ADGRG6: variants seen among roughly 807,000 people sequenced by gnomAD.
ADGRG6 encodes G-protein coupled receptor 126.
In ADGRG6, 84 loss-of-function variants were observed where a neutral mutation model predicts 142.4. That is an observed-to-expected ratio of 0.59 (90% CI 0.49 to 0.71). The LOEUF (loss-of-function observed/expected upper bound fraction) is 0.71. ADGRG6 is among the 30% of genes least tolerant of loss of function. The pLI is 0.00. For synonymous variants in ADGRG6, 521 were observed against 520.5 expected (o/e 1.00, Z -0.01); for missense variants, 1,367 against 1,466.6 (o/e 0.93, Z 1.11).
At chr6:142,404,297 G>T (rs1196813961) in intron 14 of ADGRG6, 1 of 276,202 alleles carries the variant, frequency 3.6e-6, no homozygotes, top group Non-Finnish European at 6.8e-6. Context: ...AAGGTGAAAA[G>T]AAGCATGGTG....
At chr6:142,414,473 C>G (rs1161828758) in intron 18 of ADGRG6, among the ~76,000 whole-genome samples, 1 of 152,194 alleles carries the variant, frequency 6.6e-6, no homozygotes, top group Non-Finnish European at 1.5e-5. Flanking sequence ...CTCCGCACCA[C>G]CCTTAGAGCC....
chr6:142,411,572 A>C (rs918642025), intron 18 of ADGRG6, among the ~76,000 whole-genome samples, 161 bp downstream of exon 18: 1 of 152,206 alleles, frequency 6.6e-6, no homozygotes, highest in African/African-American at 2.4e-5. Context: ...TAATTAGCAA[A>C]GATCACATAT....
intron 2 of ADGRG6, among the ~76,000 whole-genome samples, chr6:142,319,758 T>A (rs1778425904): frequency 2.6e-5 from 4 of 152,142 alleles, no homozygotes; most frequent in Admixed American, 2.6e-4. Context: ...TTATTCTCTG[T>A]CCACTATGTG....
chr6:142,398,535 A>T (rs1775325872), intron 10 of ADGRG6, among the ~76,000 whole-genome samples: 3 of 152,178 alleles, frequency 2.0e-5, no homozygotes, highest in Non-Finnish European at 4.4e-5. Context: ...TGGACCTAAA[A>T]TCAAGTTTCT....
chr6:142,443,034 GT>G (rs1173414775), intron 24 of ADGRG6, among the ~76,000 whole-genome samples: 2 of 151,988 alleles, frequency 1.3e-5, no homozygotes, highest in Non-Finnish European at 2.9e-5. Flanking sequence ...CATAGTGCAT[GT>G]TTTTTTGAAG....
At chr6:142,406,285 C>T (rs1044247028) in intron 15 of ADGRG6, among the ~76,000 whole-genome samples, 2 of 151,192 alleles carry the variant, frequency 1.3e-5, no homozygotes, top group Admixed American at 6.6e-5. Flanking sequence ...TTTCAAGTGA[C>T]CTTTGGTCTT....
At chr6:142,413,786 G>A (rs1184197364) in intron 18 of ADGRG6, among the ~76,000 whole-genome samples, 1 of 152,110 alleles carries the variant, frequency 6.6e-6, no homozygotes, top group Non-Finnish European at 1.5e-5. Flanking sequence ...CTCAGACTCT[G>A]AGCCTCTGCT....
chr6:142,433,989 C>T (rs938905512), intron 22 of ADGRG6, among the ~76,000 whole-genome samples: 5 of 152,036 alleles, frequency 3.3e-5, no homozygotes, highest in Admixed American at 6.5e-5. Context: ...TTCAAGGCTA[C>T]AGTGAGCTAC....
At position 142,423,379 on chromosome 6, in the gene ADGRG6, C is replaced by T. The variant is rs568328329; in HGVS notation, c.3319+3275C>T. Among the ~76,000 whole-genome samples, 463 of 152,138 alleles carry T rather than the reference C, an allele frequency of 3.0e-3. 3 individuals carry two copies. Among genetic ancestry groups the T allele is most frequent in the African/African-American group, 0.01 (428 of 41,488 alleles). On this transcript the variant is annotated intron_variant, in intron 22 of 24. Coordinates refer to ENST00000367609, the MANE Select transcript of ADGRG6 (RefSeq NM_198569.3). ...GAAGGGATCCAGTTTCAGCTTTCTA[C>T]ATATGGCTAGCCAATTTTCCCAGCA...
chr6:142,428,559 A>G (rs1316224044), intron 22 of ADGRG6, among the ~76,000 whole-genome samples: 1 of 152,184 alleles, frequency 6.6e-6, no homozygotes, highest in Non-Finnish European at 1.5e-5. Flanking sequence ...TAATTGACTC[A>G]CAGTTCCATA....
chr6:142,435,402 C>T (rs532113640), intron 22 of ADGRG6, among the ~76,000 whole-genome samples: 1 of 152,260 alleles, frequency 6.6e-6, no homozygotes, highest in East Asian at 1.9e-4. Context: ...TACTGGGACA[C>T]AACCTCAGCA....
At chr6:142,340,323 A>G (rs759864068) in intron 2 of ADGRG6, among the ~76,000 whole-genome samples, 1 of 152,100 alleles carries the variant, frequency 6.6e-6, no homozygotes, top group Non-Finnish European at 1.5e-5. Context: ...CAGTTAGCTA[A>G]TATGTACAAG....
Position 142,370,774 on chromosome 6 carries a change from T to C in ADGRG6, c.1050T>C (p.Ala350=). The C allele has an allele frequency of 6.2e-7, 1 of 1,613,444 alleles. No individual in the cohort carries two copies. The highest frequency in any genetic ancestry group is 1.1e-5 in the South Asian group (1 of 91,056). Residue 350 remains alanine, a synonymous_variant, in exon 4 of 25, where the codon GCT becomes GCC. Coordinates refer to ENST00000367609, the MANE Select transcript of ADGRG6 (RefSeq NM_198569.3). ...ATATCCCAAACCTAGCTCTGAAAGC[T>C]GAAAGCAACCTAAGCTGTGGTGAGT... The part of the protein sequence containing the change: ...FWNIPNLALK[A]ESNLSCGSYL...
intron 2 of ADGRG6, among the ~76,000 whole-genome samples, chr6:142,346,246 A>G (rs1225691814): frequency 6.6e-6 from 1 of 152,130 alleles, no homozygotes; most frequent in Non-Finnish European, 1.5e-5. Context: ...TAATGGTCGA[A>G]CTAATTTACA....
Position 142,377,709 on chromosome 6 carries a change from A to T in ADGRG6, c.1070-4242A>T, listed in dbSNP as rs1037569815. Among the ~76,000 whole-genome samples the T allele has an allele frequency of 7.9e-5, 12 of 152,294 alleles. No individual in the cohort carries two copies. In the East Asian group the frequency reaches 9.7e-4, roughly 12 times the overall value. On this transcript the variant is annotated intron_variant, in intron 4 of 24. Transcript: ENST00000367609. Reference sequence around the variant, plus strand: ...TTTGTTCTTTCTTAACAACCTCCTGATGTGTAAATCCATCAGCCAAAGAAA... The same window carrying T: ...TTTGTTCTTTCTTAACAACCTCCTGTTGTGTAAATCCATCAGCCAAAGAAA...
At chr6:142,328,813 G>T (rs564291128) in intron 2 of ADGRG6, among the ~76,000 whole-genome samples, 6 of 152,236 alleles carry the variant, frequency 3.9e-5, no homozygotes, top group African/African-American at 1.4e-4. Context: ...AGGTGATTTC[G>T]ATGTTAGCTA....
intron 2 of ADGRG6, among the ~76,000 whole-genome samples, chr6:142,313,888 A>T (rs9496334): frequency 0.026 from 3,866 of 151,414 alleles, 166 homozygotes; most frequent in African/African-American, 0.086. Flanking sequence ...TCCCCTTTTT[A>T]AAAAAAAATT....
chr6:142,383,878 T>A, intron 6 of ADGRG6, 35 bp downstream of exon 6: 1 of 1,046,122 alleles, frequency 9.6e-7, no homozygotes, highest in Non-Finnish European at 1.5e-6. Flanking sequence ...TTTTAGTATG[T>A]CTAACATAAA....
At chr6:142,316,338 A>G (rs757883634) in intron 2 of ADGRG6, among the ~76,000 whole-genome samples, 3 of 152,180 alleles carry the variant, frequency 2.0e-5, no homozygotes, top group South Asian at 2.1e-4. Flanking sequence ...TCAACCATTT[A>G]AAAATCAGGA....
Sources: gnomAD v4.1 joint callset for allele counts (sites outside exome capture counted in the v4.1 genomes callset) on GRCh38, gnomAD v4.1.1 for gene constraint, MANE v1.5 for transcripts, NCBI Gene and HGNC (gene_info 2026-07-23, HGNC 2026-07-21) for gene names.